Variants in CMSS1 observed in about 807,000 individuals in gnomAD.
CMSS1 encodes protein CMSS1.
CMSS1 carries 33 observed loss-of-function variants against 43.5 expected under a neutral mutation model. The observed-to-expected ratio is 0.76, with a 90% CI of 0.57 to 1.01. CMSS1 has a LOEUF of 1.01. Among genes scored for constraint, CMSS1 ranks in the 50% least tolerant of loss-of-function variants. The pLI, the probability that CMSS1 is intolerant of heterozygous loss-of-function variation, is 0.00. For missense variants in CMSS1, 313 were observed against 326.4 expected (o/e 0.96, Z 0.32); for synonymous variants, 115 against 117.2 (o/e 0.98, Z 0.12).
At chr3:99,831,630 G>A (rs912551306) in intron 1 of CMSS1, among the ~76,000 whole-genome samples, 1 of 152,182 alleles carries the variant, frequency 6.6e-6, no homozygotes, top group Admixed American at 6.5e-5. Context: ...GCCTTCCCAA[G>A]ATGGATTTCT....
At chr3:99,989,953 G>A (rs1709464363) in intron 1 of CMSS1, among the ~76,000 whole-genome samples, 1 of 152,114 alleles carries the variant, frequency 6.6e-6, no homozygotes, top group Non-Finnish European at 1.5e-5. Context: ...AAGAGTGCAA[G>A]AGAGAGTTAT....
intron 1 of CMSS1, among the ~76,000 whole-genome samples, chr3:99,994,512 A>G (rs1361458884): frequency 3.1e-4 from 47 of 152,214 alleles, no homozygotes; most frequent in Non-Finnish European, 7.3e-5. Flanking sequence ...AAATTTTTAA[A>G]AATCAAAATC....
intron 1 of CMSS1, among the ~76,000 whole-genome samples, chr3:99,820,537 AG>A: frequency 6.6e-6 from 1 of 152,322 alleles, no homozygotes; most frequent in East Asian, 1.9e-4. Flanking sequence ...AATTTATCAG[AG>A]GCCTTTGCTT....
At chr3:99,819,355 G>C (rs1942386110) in intron 1 of CMSS1, among the ~76,000 whole-genome samples, 1 of 152,206 alleles carries the variant, frequency 6.6e-6, no homozygotes, top group Non-Finnish European at 1.5e-5. Flanking sequence ...AATTCTGTTT[G>C]AGTGGTGAAG....
chr3:99,958,195 C>A (rs1018393179), intron 1 of CMSS1, among the ~76,000 whole-genome samples: 1 of 141,452 alleles, frequency 7.1e-6, no homozygotes, highest in East Asian at 2.0e-4. Flanking sequence ...GGTATTAAGC[C>A]CTGCATGCAT....
At chr3:99,889,634 T>C (rs1288738817) in intron 1 of CMSS1, among the ~76,000 whole-genome samples, 1 of 152,090 alleles carries the variant, frequency 6.6e-6, no homozygotes, top group Non-Finnish European at 1.5e-5. Flanking sequence ...TTGTTGCTTT[T>C]ATCTCATTTC....
intron 1 of CMSS1, among the ~76,000 whole-genome samples, chr3:100,112,706 C>A (rs576464048): frequency 2.0e-5 from 3 of 152,254 alleles, no homozygotes; most frequent in East Asian, 1.9e-4. Context: ...TGGGAAATTA[C>A]TGAGAAAATT....
chr3:99,850,873 T>G, intron 1 of CMSS1: 1 of 1,614,092 alleles, frequency 6.2e-7, no homozygotes, highest in East Asian at 2.2e-5. Flanking sequence ...ATGTGTTTCC[T>G]TTGCATTTGT....
At chr3:99,925,862 G>A in intron 1 of CMSS1, 1 of 985,418 alleles carries the variant, frequency 1.0e-6, no homozygotes, top group Non-Finnish European at 1.2e-6. Context: ...CACTGGGCTG[G>A]TTTATCAGCT....
rs575770441 is a variant in CMSS1, at chr3:99,893,215, G to C, written c.64+75172G>C. Among the ~76,000 whole-genome samples, 8 of 149,270 alleles carry C rather than the reference G, an allele frequency of 5.4e-5. No individual in the cohort carries two copies. In the East Asian group the frequency reaches 1.6e-3, roughly 29 times the overall value. Reference sequence around the variant, plus strand: ...GAGTCTCACTCTGTTGCCCAGGCTGGAGTGCAGTGGCGCAATCTCGGCTCA... The same window carrying C: ...GAGTCTCACTCTGTTGCCCAGGCTGCAGTGCAGTGGCGCAATCTCGGCTCA... On this transcript the variant is annotated intron_variant, in intron 1 of 9. Coordinates refer to ENST00000421999, the MANE Select transcript of CMSS1 (RefSeq NM_032359.4).
intron 1 of CMSS1, among the ~76,000 whole-genome samples, chr3:99,879,328 C>A (rs1477242734): frequency 6.6e-6 from 1 of 152,128 alleles, no homozygotes; most frequent in Non-Finnish European, 1.5e-5. Context: ...CACCAGTTTC[C>A]CTGGTTCGAG....
rs547341706 is a variant in CMSS1 at position 100,138,730 on chromosome 3, C to T, written c.65-8243C>T. 1.4e-4 allele frequency among the ~76,000 whole-genome samples: 21 copies of T among 152,292 alleles called. No homozygotes were observed. In the South Asian group the frequency reaches 4.4e-3, roughly 32 times the overall value. On this transcript the variant is annotated intron_variant, in intron 1 of 9. Transcript: ENST00000421999. ...CTGTGGAGAAATAAAAACACTTTTA[C>T]ACTGTTGGTGGGAGTGTAAATTGAT...
intron 1 of CMSS1, among the ~76,000 whole-genome samples, chr3:100,116,689 T>C (rs762856534): frequency 6.6e-6 from 1 of 152,248 alleles, no homozygotes; most frequent in African/African-American, 2.4e-5. Context: ...CACTGATAGC[T>C]GCATTTCCAA....
chr3:99,884,058 T>C (rs17779605), intron 1 of CMSS1, among the ~76,000 whole-genome samples: 1,713 of 152,284 alleles, frequency 0.011, 18 homozygotes, highest in African/African-American at 0.025. Flanking sequence ...AACTATGGGC[T>C]AGGAGAGTGA....
At chr3:99,901,235 A>G (rs1192768009) in intron 1 of CMSS1, among the ~76,000 whole-genome samples, 2 of 152,220 alleles carry the variant, frequency 1.3e-5, no homozygotes, top group Non-Finnish European at 2.9e-5. Context: ...TTGAAATAGG[A>G]TAGTACCTTC....
intron 1 of CMSS1, among the ~76,000 whole-genome samples, chr3:99,876,439 G>A (rs1390748816): frequency 3.3e-5 from 5 of 152,246 alleles, no homozygotes; most frequent in Non-Finnish European, 5.9e-5. Context: ...CAAAGTCATT[G>A]GGAGGCAGGG....
chr3:99,851,442 A>T (rs1006680689), intron 1 of CMSS1, among the ~76,000 whole-genome samples: 1 of 152,248 alleles, frequency 6.6e-6, no homozygotes, highest in East Asian at 1.9e-4. Flanking sequence ...GGCCGACCCT[A>T]CTCTTACCAA....
intron 1 of CMSS1, among the ~76,000 whole-genome samples, chr3:99,912,886 T>G (rs1224099711): frequency 1.3e-5 from 2 of 152,204 alleles, no homozygotes; most frequent in African/African-American, 2.4e-5. Context: ...ATTGCTGAGT[T>G]GTATGGTAAC....
At chr3:99,825,775 CTT>C (rs897686337) in intron 1 of CMSS1, among the ~76,000 whole-genome samples, 8 of 121,604 alleles carry the variant, frequency 6.6e-5, no homozygotes, top group African/African-American at 9.3e-5. Context: ...TTTTCTTTTT[CTT>C]TTTTTTTTTT....
Sources: allele counts gnomAD v4.1 joint callset (sites outside exome capture counted in the v4.1 genomes callset), GRCh38; gene constraint gnomAD v4.1.1; transcripts MANE v1.5; gene names NCBI Gene and HGNC (gene_info 2026-07-23, HGNC 2026-07-21).